Variants in CCDC82 observed in about 807,000 individuals in gnomAD.
The protein encoded by CCDC82 is coiled-coil domain containing 82.
In CCDC82, 47 loss-of-function variants were observed where a neutral mutation model predicts 60.6. That is an observed-to-expected ratio of 0.77 (90% CI 0.61 to 0.99). CCDC82 has a LOEUF of 0.99. Among genes scored for constraint, CCDC82 ranks in the 50% least tolerant of loss-of-function variants. The pLI is 0.00. For missense variants in CCDC82, 588 were observed against 633.0 expected (o/e 0.93, Z 0.76); for synonymous variants, 212 against 207.4 (o/e 1.02, Z -0.19).
At chr11:96,357,043 T>C (rs1383727537) in intron 9 of CCDC82, 5 of 985,146 alleles carry the variant, frequency 5.1e-6, no homozygotes, top group Non-Finnish European at 6.0e-6. Flanking sequence ...AGGGTTAGAG[T>C]AACTGTGACT....
intron 6 of CCDC82, among the ~76,000 whole-genome samples, chr11:96,373,032 A>G (rs1455765850): frequency 6.6e-6 from 1 of 152,182 alleles, no homozygotes; most frequent in Admixed American, 6.5e-5. Context: ...AGAAAACAGC[A>G]TGGAACTTTT....
At chr11:96,368,069 C>T (rs981208891) in intron 7 of CCDC82, among the ~76,000 whole-genome samples, 2 of 152,240 alleles carry the variant, frequency 1.3e-5, no homozygotes, top group Admixed American at 6.5e-5. Context: ...GATCCACCAC[C>T]TCGGCCACCC....
Position 96,384,191 on chromosome 11 carries a change from G to C in CCDC82, c.557C>G (p.Ser186Cys). The change falls in exon 4 of 10, where the codon TCC becomes TGC. Residue 186 changes from serine (S) to cysteine (C), a missense_variant. Physicochemically the swap from Ser to Cys is moderately radical, Grantham distance 112. Transcript: ENST00000646818. ...DIKRGKRKRL[S>C]SVMCDSDESD... ...CTCATCACTGTCACACATCACAGAG[G>C]ATAGCCTTTTTCTTTTTCCTCGCTT... is the stretch of plus-strand genomic sequence containing the variant. The C allele has an allele frequency of 6.2e-7, 1 of 1,613,820 alleles. No homozygotes were observed. The highest frequency in any genetic ancestry group is 8.5e-7 in the Non-Finnish European group (1 of 1,179,862).
At chr11:96,357,534 C>T in intron 9 of CCDC82, 2 of 985,298 alleles carry the variant, frequency 2.0e-6, no homozygotes, top group Non-Finnish European at 2.4e-6. Context: ...GTGTCCTAAA[C>T]CTTGTTAAGC....
intron 3 of CCDC82, 25 bp from the exon 4 acceptor site, chr11:96,384,786 A>G (rs747098920): frequency 7.2e-6 from 10 of 1,390,022 alleles, no homozygotes; most frequent in Middle Eastern, 1.9e-4. Flanking sequence ...TGTTAGGAAT[A>G]TAACAGTGAT....
At position 96,384,203 on chromosome 11, in the gene CCDC82, C is replaced by A. The variant is rs1164953287; in HGVS notation, c.545G>T (p.Arg182Ile). Residue 182 changes from arginine (R) to isoleucine (I), a missense_variant, in exon 4 of 10, where the codon AGA (arginine) becomes ATA (isoleucine). Coordinates refer to ENST00000646818, the MANE Select transcript of CCDC82 (RefSeq NM_024725.4). ...ACACATCACAGAGGATAGCCTTTTT[C>A]TTTTTCCTCGCTTGATGTCTTCTTC... is the stretch of plus-strand genomic sequence containing the variant. ...LEEEDIKRGK[R>I]KRLSSVMCDS... 1 of 1,613,844 alleles carries A rather than the reference C, an allele frequency of 6.2e-7. No homozygotes were observed. The highest frequency in any genetic ancestry group is 2.2e-5 in the East Asian group (1 of 44,872).
intron 9 of CCDC82, chr11:96,357,183 C>T: frequency 2.6e-5 from 26 of 985,380 alleles, no homozygotes; most frequent in Non-Finnish European, 3.1e-5. Flanking sequence ...TTTGAAATTT[C>T]ATTACAGCAC....
At position 96,383,429 on chromosome 11, in the gene CCDC82, C is replaced by G; in HGVS notation, c.831G>C (p.Glu277Asp). The change falls in exon 5 of 10, where the codon GAG becomes GAC. Residue 277 changes from glutamate (E) to aspartate (D), a missense_variant. By Grantham distance (45) the Glu-to-Asp change is conservative (BLOSUM62 2). Transcript: ENST00000646818. ...ATTCATAATTATCCTCTTCTTCCTC[C>G]TCATCAACTTCATCACTGCTTGGGC... is the stretch of plus-strand genomic sequence containing the variant. ...ESCPSSDEVDEEEEEDNYESD... is the reference protein window; with the variant it reads ...ESCPSSDEVDDEEEEDNYESD... 1 of 1,604,868 alleles carries G rather than the reference C, an allele frequency of 6.2e-7. No individual in the cohort carries two copies. Among genetic ancestry groups the G allele is most frequent in the Non-Finnish European group, 8.5e-7 (1 of 1,175,296 alleles).
At position 96,359,230 on chromosome 11, in the gene CCDC82, G is replaced by T; in HGVS notation, c.1381-52C>A. ...CTGACAACGAATATATATCCTTTCT[G>T]GTTTTTGGATTTTCTTTAGTAGTAG... is the stretch of plus-strand genomic sequence containing the variant. On this transcript the variant is annotated intron_variant, in intron 8 of 9. Coordinates refer to ENST00000646818, the MANE Select transcript of CCDC82 (RefSeq NM_024725.4). 11 of 1,425,926 alleles carry T rather than the reference G, an allele frequency of 7.7e-6. No individual in the cohort carries two copies. The Admixed American group carries it at 8.8e-5, about 11-fold the overall frequency. 88.3% of individuals were successfully genotyped at this position (1,425,926 alleles called of 1,614,324 possible).
At chr11:96,368,968 C>A (rs970977967) in intron 7 of CCDC82, among the ~76,000 whole-genome samples, 2 of 152,120 alleles carry the variant, frequency 1.3e-5, no homozygotes, top group East Asian at 1.9e-4. Context: ...TTTTTCTGGA[C>A]AACTTGCTGC....
At chr11:96,372,647 T>A (rs34964238) in intron 6 of CCDC82, among the ~76,000 whole-genome samples, 1 of 145,842 alleles carries the variant, frequency 6.9e-6, no homozygotes, top group Non-Finnish European at 1.5e-5. Flanking sequence ...TATAAATATA[T>A]ATATAAATAT....
chr11:96,383,803 C>T (rs1012095050), intron 4 of CCDC82, among the ~76,000 whole-genome samples, 159 bp downstream of exon 4: 3 of 151,766 alleles, frequency 2.0e-5, no homozygotes, highest in East Asian at 1.9e-4. Flanking sequence ...CAGTATATTA[C>T]GTACAATAGT....
chr11:96,358,686 A>T (rs1864470264), intron 9 of CCDC82: 1 of 1,112,562 alleles, frequency 9.0e-7, no homozygotes, highest in African/African-American at 1.6e-5. Flanking sequence ...AAAAAAAATC[A>T]GGGGACTTAA....
intron 1 of CCDC82, chr11:96,388,621 G>T (rs1401912062): frequency 6.6e-6 from 1 of 152,212 alleles, no homozygotes; most frequent in South Asian, 2.1e-4. Context: ...TTTCTCATCA[G>T]AAGAAATATA....
In CCDC82 at chr11:96,387,424, T is replaced by C. The variant is rs1410762909; in HGVS notation, c.-55+106A>G. 2 of 152,244 alleles carry C rather than the reference T, an allele frequency of 1.3e-5. 1 individual carries two copies. Among genetic ancestry groups the C allele is most frequent in the East Asian group, 3.8e-4 (2 of 5,206 alleles). 9.4% of individuals were successfully genotyped at this position (152,244 alleles called of 1,614,324 possible). A position where few individuals can be genotyped will look rare whatever the true frequency, so the allele number is the denominator to read the frequency against. On this transcript the variant is annotated intron_variant, in intron 2 of 9. Coordinates refer to ENST00000646818, the MANE Select transcript of CCDC82 (RefSeq NM_024725.4). ...CATAAAAGAAACTTTAAGTTTTTAG[T>C]GCATTTTCACATTGATTTTTAAATC...
intron 9 of CCDC82, among the ~76,000 whole-genome samples, chr11:96,358,791 G>C (rs997960033): frequency 6.6e-6 from 1 of 152,154 alleles, no homozygotes; most frequent in African/African-American, 2.4e-5. Context: ...CTGATGGGCT[G>C]AGTGAATCCT....
chr11:96,360,488 C>A (rs1029551703), intron 8 of CCDC82, among the ~76,000 whole-genome samples: 1 of 151,986 alleles, frequency 6.6e-6, no homozygotes, highest in African/African-American at 2.4e-5. Context: ...AGCCACCACG[C>A]CCAGCCAATA....
At position 96,384,789 on chromosome 11, in the gene CCDC82, A is replaced by G. The variant is rs781416643; in HGVS notation, c.-14-28T>C. On this transcript the variant is annotated intron_variant, in intron 3 of 9. Transcript: ENST00000646818. ...ATAAAATAAAGTTGTTAGGAATATA[A>G]CAGTGATAACCAGATTAGAGCAATG... 4.3e-6 allele frequency: 6 copies of G among 1,405,542 alleles called. No homozygotes were observed. The African/African-American group carries it at 5.8e-5, about 13-fold the overall frequency. 87.1% of individuals were successfully genotyped at this position (1,405,542 alleles called of 1,614,324 possible). A position where few individuals can be genotyped will look rare whatever the true frequency, so the allele number is the denominator to read the frequency against.
chr11:96,379,243 T>C (rs147014585), intron 5 of CCDC82, among the ~76,000 whole-genome samples: 20 of 152,042 alleles, frequency 1.3e-4, no homozygotes, highest in Non-Finnish European at 2.5e-4. Context: ...CCCTGGCAAA[T>C]TGAAAACTGT....
Sources: allele counts gnomAD v4.1 joint callset (sites outside exome capture counted in the v4.1 genomes callset), GRCh38; gene constraint gnomAD v4.1.1; transcripts MANE v1.5; gene names NCBI Gene and HGNC (gene_info 2026-07-23, HGNC 2026-07-21).